The following ECPAS variants were observed in gnomAD, a reference collection of about 807,000 sequenced individuals.
ECPAS encodes proteasome adapter and scaffold protein ECM29.
In ECPAS, 70 loss-of-function variants were observed where a neutral mutation model predicts 255.1. That is an observed-to-expected ratio of 0.27 (90% confidence interval 0.23 to 0.33). The LOEUF is 0.33. ECPAS is among the 10% of genes least tolerant of loss of function. The probability of loss-of-function intolerance (pLI) is 1.00; values close to 1 mark genes in which losing one functional copy is unlikely to be tolerated. For synonymous variants in ECPAS, 784 were observed against 775.0 expected, an observed-to-expected ratio of 1.01 and a Z score of -0.19; for missense variants, 1,817 against 2,206.4, an observed-to-expected ratio of 0.82 and a Z score of 3.54.
chr9:111,390,837 T>A (rs12338044), intron 29 of ECPAS, among the ~76,000 whole-genome samples: 43,061 of 152,168 alleles, frequency 0.28, 7,530 homozygotes, highest in Non-Finnish European at 0.4. Context: ...TTTTAAATGC[T>A]AAAGTAGTGG....
intron 24 of ECPAS, among the ~76,000 whole-genome samples, chr9:111,400,151 A>G (rs544434422): frequency 4.1e-4 from 63 of 152,342 alleles, no homozygotes; most frequent in African/African-American, 1.3e-3. Flanking sequence ...AAGTCCATCA[A>G]TGCTGGGTAT....
intron 2 of ECPAS, among the ~76,000 whole-genome samples, chr9:111,452,722 T>C (rs1398409232): frequency 2.6e-5 from 4 of 152,164 alleles, no homozygotes. Flanking sequence ...GATAGATACA[T>C]GGATAGACAG....
At chr9:111,395,421 C>T (rs980429617) in intron 25 of ECPAS, among the ~76,000 whole-genome samples, 29 of 152,184 alleles carry the variant, frequency 1.9e-4, no homozygotes, top group African/African-American at 7.0e-4. Flanking sequence ...TGACATAGAA[C>T]ACGCATGATC....
intron 27 of ECPAS, 106 bp from the exon 28 acceptor site, chr9:111,392,988 C>T: frequency 1.6e-6 from 1 of 636,222 alleles, no homozygotes; most frequent in Non-Finnish European, 2.8e-6. Context: ...AAAATGATAT[C>T]AAAGTAAAGA....
chr9:111,480,111 C>T (rs931124461), intron 1 of ECPAS, among the ~76,000 whole-genome samples: 1 of 151,458 alleles, frequency 6.6e-6, no homozygotes, highest in Non-Finnish European at 1.5e-5. Context: ...GGTGGGTACA[C>T]GAATGTTCAC....
chr9:111,432,281 C>T (rs1162079290), intron 8 of ECPAS, among the ~76,000 whole-genome samples: 1 of 152,090 alleles, frequency 6.6e-6, no homozygotes, highest in Non-Finnish European at 1.5e-5. Flanking sequence ...CTTTCCAAAA[C>T]TTCATTTCAA....
chr9:111,362,155 C>A lies in ECPAS; in HGVS notation c.5395G>T (p.Glu1799Ter). 1 of 1,585,240 alleles carries A rather than the reference C, an allele frequency of 6.3e-7. No homozygotes were observed. The highest frequency in any genetic ancestry group is 1.2e-5 in the South Asian group (1 of 85,752). Reference sequence around the variant, plus strand: ...ACTCTGCATTCAGATGTCAAACATTCCCACTGTTTAGATTCTGCATGAAAA... The same window carrying A: ...ACTCTGCATTCAGATGTCAAACATTACCACTGTTTAGATTCTGCATGAAAA... ...LKKLEESKQW[E>*]CLTSECRVLL... Residue 1799 changes from glutamate (E) to a stop codon, truncating the protein, a stop_gained, in exon 50 of 50, where the codon GAA becomes TAA. Coordinates refer to ENST00000684092, the MANE Select transcript of ECPAS (RefSeq NM_001364929.1). LOFTEE classifies it high-confidence loss of function.
Position 111,390,076 on chromosome 9 carries a change from G to A in ECPAS, c.3187C>T (p.Leu1063Phe), listed in dbSNP as rs775075947. The A allele has an allele frequency of 1.3e-6, 2 of 1,591,912 alleles. No homozygotes were observed. Among genetic ancestry groups the A allele is most frequent in the South Asian group, 2.3e-5 (2 of 88,620 alleles). The change falls in exon 30 of 50, where the codon CTT becomes TTT. Residue 1063 changes from leucine to phenylalanine, a missense_variant. Coordinates refer to ENST00000684092, the MANE Select transcript of ECPAS (RefSeq NM_001364929.1). ...CTAAGATCACTTGCCAGAGAACAAA[G>A]TTCCTTGTAAGTAGAAAGGCCCTGA... is the stretch of plus-strand genomic sequence containing the variant. ...DGQGLSTYKE[L>F]CSLASDLSQP... is the part of the protein sequence containing the mutation.
Position 111,372,553 on chromosome 9 carries a change from T to C in ECPAS, c.4404A>G (p.Leu1468=). 6.2e-7 allele frequency: 1 copy of C among 1,613,804 alleles called. No homozygotes were observed. The highest frequency in any genetic ancestry group is 8.5e-7 in the Non-Finnish European group (1 of 1,179,778). ...HAIGRYSPDV[L]KNHAKEVLPL... ...GCAGGACTTCTTTTGCATGATTCTT[T>C]AATACATCAGGGCTGTATCGTCCAA... Residue 1468 remains leucine, a synonymous_variant, in exon 42 of 50, where the codon TTA becomes TTG. Coordinates refer to ENST00000684092, the MANE Select transcript of ECPAS (RefSeq NM_001364929.1).
chr9:111,429,275 A>C (rs975513872), intron 9 of ECPAS, among the ~76,000 whole-genome samples: 1 of 151,638 alleles, frequency 6.6e-6, no homozygotes, highest in East Asian at 1.9e-4. Context: ...TTTTTTTTAA[A>C]TGAGTACATA....
rs2098312082 is a variant in ECPAS at position 111,484,358 on chromosome 9, C to T, written c.-325G>A. ...CTGGGCCCGACCTGGGGAAACACGC[C>T]TGTCCAAAGGAAGAGACGTGGACTC... On this transcript the variant is annotated 5_prime_UTR_variant, in exon 1 of 50. Coordinates refer to ENST00000684092, the MANE Select transcript of ECPAS (RefSeq NM_001364929.1). The T allele has an allele frequency of 6.2e-7, 1 of 1,611,064 alleles. No individual in the cohort carries two copies. Among genetic ancestry groups the T allele is most frequent in the Non-Finnish European group, 8.5e-7 (1 of 1,179,148 alleles).
In ECPAS at chr9:111,426,803, C is replaced by CA. The variant is rs1302418861; in HGVS notation, c.1051-976dup. On this transcript the variant is annotated intron_variant, in intron 10 of 49. Transcript: ENST00000684092. ...GCAACATAGTGAAACTCCATCTGTA[C>CA]AAAAAAATACAAAAATTAGCCAGGC... Among the ~76,000 whole-genome samples the CA allele has an allele frequency of 6.6e-4, 100 of 151,702 alleles. 1 individual carries two copies. The highest frequency in any genetic ancestry group is 2.2e-3 in the African/African-American group (93 of 41,370).
intron 2 of ECPAS, among the ~76,000 whole-genome samples, chr9:111,471,254 G>A (rs576608576): frequency 6.6e-6 from 1 of 152,162 alleles, no homozygotes. Context: ...GAATCTAGGA[G>A]AGAAGAAACA....
intron 24 of ECPAS, among the ~76,000 whole-genome samples, chr9:111,400,638 G>A (rs181617814): frequency 2.0e-5 from 3 of 152,242 alleles, no homozygotes; most frequent in Admixed American, 1.3e-4. Context: ...ATGGATGACT[G>A]AAAAATGCTT....
chr9:111,401,480 C>G (rs904838974), intron 24 of ECPAS, among the ~76,000 whole-genome samples: 2 of 152,194 alleles, frequency 1.3e-5, no homozygotes, highest in African/African-American at 4.8e-5. Context: ...ATTAGAATTA[C>G]TGATGAGGGT....
At chr9:111,451,284 G>C in intron 3 of ECPAS, 141 bp downstream of exon 3, 1 of 814,148 alleles carries the variant, frequency 1.2e-6, no homozygotes, top group Non-Finnish European at 1.9e-6. Context: ...ATAAAAGCTG[G>C]TTCTAGACTT....
At chr9:111,457,332 A>G (rs1279613792) in intron 2 of ECPAS, among the ~76,000 whole-genome samples, 1 of 152,214 alleles carries the variant, frequency 6.6e-6, no homozygotes, top group Admixed American at 6.5e-5. Flanking sequence ...AAGAGCTCTG[A>G]GCACATTTAA....
chr9:111,374,218 C>A (rs770024838), intron 38 of ECPAS, among the ~76,000 whole-genome samples, 180 bp from the exon 39 acceptor site: 9 of 152,066 alleles, frequency 5.9e-5, no homozygotes, highest in African/African-American at 1.9e-4. Flanking sequence ...TTTTTTTAAA[C>A]CTCCAAGAGA....
At chr9:111,369,720 A>AG (rs1250851925) in intron 45 of ECPAS, among the ~76,000 whole-genome samples, 3 of 152,144 alleles carry the variant, frequency 2.0e-5, no homozygotes, top group Non-Finnish European at 4.4e-5. Flanking sequence ...ACAAATAAAC[A>AG]GGGAAACCAC....
Sources: gnomAD v4.1 joint callset for allele counts (sites outside exome capture counted in the v4.1 genomes callset) on GRCh38, gnomAD v4.1.1 for gene constraint, MANE v1.5 for transcripts, NCBI Gene and HGNC (gene_info 2026-07-23, HGNC 2026-07-21) for gene names.